The following CDK13 variants were observed in gnomAD, a reference collection of about 807,000 sequenced individuals.
CDK13 encodes cyclin-dependent kinase 13.
CDK13 carries 40 observed loss-of-function variants against 137.6 expected under a neutral mutation model. The observed-to-expected ratio is 0.29, with a 90% CI of 0.23 to 0.38. CDK13 has a LOEUF of 0.38. CDK13 is among the 10% of genes least tolerant of loss of function. The pLI is 1.00. For synonymous variants in CDK13, 869 were observed against 760.1 expected, an observed-to-expected ratio of 1.14 and a Z score of -2.36; for missense variants, 1,704 against 1,951.8, an observed-to-expected ratio of 0.87 and a Z score of 2.39.
chr7:40,012,914 A>T (rs1440634077), intron 5 of CDK13, among the ~76,000 whole-genome samples: 1 of 132,156 alleles, frequency 7.6e-6, no homozygotes, highest in African/African-American at 3.7e-5. Context: ...TCTGTGTCAA[A>T]AAAAAAAAAA....
At chr7:40,064,252 C>G (rs1369326714) in intron 9 of CDK13, among the ~76,000 whole-genome samples, 1 of 145,858 alleles carries the variant, frequency 6.9e-6, no homozygotes, top group African/African-American at 2.7e-5. Context: ...CCACGGCACT[C>G]CAGCCTGGGC....
intron 5 of CDK13, among the ~76,000 whole-genome samples, chr7:40,030,817 A>G (rs974727317): frequency 1.3e-5 from 2 of 152,110 alleles, no homozygotes; most frequent in Non-Finnish European, 1.5e-5. Flanking sequence ...GTATGCACCT[A>G]AAGTTCCTCC....
chr7:40,003,227 T>C (rs373967039), intron 5 of CDK13, among the ~76,000 whole-genome samples: 178 of 84,250 alleles, frequency 2.1e-3, no homozygotes, highest in African/African-American at 7.4e-3. Context: ...CTCTCTCTCT[T>C]ACTCTGTTGA....
chr7:39,988,335 CCT>C, intron 2 of CDK13, 77 bp downstream of exon 2: 1 of 1,117,442 alleles, frequency 8.9e-7, no homozygotes, highest in South Asian at 1.6e-5. Flanking sequence ...GTTGACCTCC[CCT>C]AACCCCCTCG....
intron 5 of CDK13, among the ~76,000 whole-genome samples, chr7:40,043,538 A>T (rs1211491501): frequency 6.6e-6 from 1 of 152,142 alleles, no homozygotes; most frequent in Non-Finnish European, 1.5e-5. Context: ...ACAGAGTTTT[A>T]TATGTGCGTG....
chr7:39,976,319 T>TCA (rs1320736487), intron 1 of CDK13, among the ~76,000 whole-genome samples: 28 of 54,312 alleles, frequency 5.2e-4, no homozygotes, highest in East Asian at 1.8e-3. Flanking sequence ...TCTCTCTCTC[T>TCA]CTCTCACACA....
At chr7:40,041,565 A>G (rs116143913) in intron 5 of CDK13, among the ~76,000 whole-genome samples, 1 of 152,320 alleles carries the variant, frequency 6.6e-6, no homozygotes, top group African/African-American at 2.4e-5. Context: ...CCACATTTCA[A>G]GAGCTCATTA....
intron 9 of CDK13, chr7:40,070,904 T>C (rs1165418709): frequency 6.6e-6 from 1 of 152,130 alleles, no homozygotes; most frequent in African/African-American, 2.4e-5. Context: ...TATCACACAA[T>C]GTACATTGCT....
At position 40,094,519 on chromosome 7, in the gene CDK13, G is replaced by C. The variant is rs1288031998; in HGVS notation, c.4078G>C (p.Ala1360Pro). 3 of 1,612,836 alleles carry C rather than the reference G, an allele frequency of 1.9e-6. No homozygotes were observed. Among genetic ancestry groups the C allele is most frequent in the Non-Finnish European group, 2.5e-6 (3 of 1,179,600 alleles). ...VSNDGLGSSSAPPLERRSFIG... is the reference protein window; with the variant it reads ...VSNDGLGSSSPPPLERRSFIG... ...CAATGATGGTCTAGGAAGCAGTTCT[G>C]CTCCACCACTAGAACGACGTAGTTT... Residue 1360 changes from alanine (A) to proline (P), a missense_variant, in exon 14 of 14, where the codon GCT becomes CCT. Ala to Pro is a conservative substitution (Grantham distance 27). Around this residue, in one of 5 missense-constraint regions of CDK13, gnomAD observed 475 missense variants for 579.3 expected, o/e 0.82. Transcript: ENST00000181839.
At chr7:39,973,534 G>A (rs1368289832) in intron 1 of CDK13, among the ~76,000 whole-genome samples, 30 of 152,144 alleles carry the variant, frequency 2.0e-4, no homozygotes. Flanking sequence ...TCAGATACAT[G>A]ATTTACAAAT....
intron 9 of CDK13, among the ~76,000 whole-genome samples, chr7:40,064,814 CAG>C (rs1184634323): frequency 7.0e-6 from 1 of 143,298 alleles, no homozygotes; most frequent in African/African-American, 2.6e-5. Flanking sequence ...TTTTTTGAGA[CAG>C]TATCTCACTT....
intron 5 of CDK13, among the ~76,000 whole-genome samples, chr7:40,003,200 A>ACT (rs1252886780): frequency 0.016 from 1,354 of 86,192 alleles, 8 homozygotes; most frequent in African/African-American, 0.022. Flanking sequence ...ACACACACAC[A>ACT]CACACACTCT....
At chr7:40,050,306 GA>G (rs1302625956) in intron 7 of CDK13, among the ~76,000 whole-genome samples, 1 of 152,180 alleles carries the variant, frequency 6.6e-6, no homozygotes, top group Non-Finnish European at 1.5e-5. Context: ...CCTCTTGGTA[GA>G]AGTTGAAAGG....
At chr7:40,081,313 T>A (rs1000624331) in intron 11 of CDK13, among the ~76,000 whole-genome samples, 23 of 152,174 alleles carry the variant, frequency 1.5e-4, no homozygotes, top group African/African-American at 5.3e-4. Flanking sequence ...CCAAGAGATG[T>A]AACCACTGTA....
chr7:40,076,884 TA>T (rs1786556387), intron 9 of CDK13, among the ~76,000 whole-genome samples: 1 of 152,216 alleles, frequency 6.6e-6, no homozygotes, highest in East Asian at 1.9e-4. Flanking sequence ...TCTTTTTACA[TA>T]TGCAGACCAG....
At chr7:40,081,786 A>G (rs1437370913) in intron 11 of CDK13, among the ~76,000 whole-genome samples, 1 of 151,988 alleles carries the variant, frequency 6.6e-6, no homozygotes, top group Non-Finnish European at 1.5e-5. Flanking sequence ...CTAATTTTGT[A>G]TTTTTAGTAG....
intron 5 of CDK13, among the ~76,000 whole-genome samples, chr7:40,043,898 A>AT (rs3045302): frequency 0.01 from 1,379 of 137,724 alleles, 15 homozygotes; most frequent in African/African-American, 0.021. Context: ...ATTTTGTATA[A>AT]TTTTTTTTTT....
chr7:40,023,263 T>C (rs1428009510), intron 5 of CDK13, among the ~76,000 whole-genome samples: 1 of 152,004 alleles, frequency 6.6e-6, no homozygotes. Flanking sequence ...CAGCTAATTT[T>C]TGTGTTTCTG....
chr7:39,974,231 A>AT (rs933060389), intron 1 of CDK13, among the ~76,000 whole-genome samples: 62 of 146,978 alleles, frequency 4.2e-4, no homozygotes, highest in East Asian at 1.6e-3. Context: ...TATCTTGTTA[A>AT]TTTTTTTTTT....
Sources: gnomAD v4.1 joint callset for allele counts (sites outside exome capture counted in the v4.1 genomes callset) on GRCh38, gnomAD v4.1.1 for gene constraint, gnomAD v4.1.1 regional missense constraint, MANE v1.5 for transcripts, NCBI Gene and HGNC (gene_info 2026-07-23, HGNC 2026-07-21) for gene names.